Variants in RIN1 observed in about 807,000 individuals in gnomAD.
RIN1 encodes Ras and Rab interactor 1, also known as ras inhibitor 1.
Under a neutral mutation model 64.9 loss-of-function variants are expected in RIN1, and 52 were observed. That is an observed-to-expected ratio of 0.80 (90% confidence interval 0.64 to 1.01). The LOEUF is 1.01. Among genes scored for constraint, RIN1 ranks in the 50% least tolerant of loss-of-function variants. The probability of loss-of-function intolerance (pLI) is 0.00; values close to 1 mark genes in which losing one functional copy is unlikely to be tolerated. For missense variants in RIN1, 1,040 were observed against 1,064.5 expected, an observed-to-expected ratio of 0.98 and a Z score of 0.32; for synonymous variants, 486 against 483.6, an observed-to-expected ratio of 1.00 and a Z score of -0.06.
chr11:66,334,074 G>A lies in RIN1; in HGVS notation c.1436C>T (p.Ala479Val). ...LRLARAQGPG[A>V]FGSHLSLPSP... ...GGGCAGGCTCAGGTGGGACCCGAAGGCTCCGGGGCCCTGGGCCCGGGCCAG... is the reference window on the plus strand; with the variant it reads ...GGGCAGGCTCAGGTGGGACCCGAAGACTCCGGGGCCCTGGGCCCGGGCCAG... Residue 479 changes from alanine (A) to valine (V), a missense_variant, in exon 7 of 10, where the codon GCC (alanine) becomes GTC (valine). Ala to Val is a moderately conservative substitution (Grantham distance 64). Transcript: ENST00000311320. 3 of 1,569,728 alleles carry A rather than the reference G, an allele frequency of 1.9e-6. No homozygotes were observed. The highest frequency in any genetic ancestry group is 2.7e-5 in the African/African-American group (2 of 74,508).
Position 66,333,509 on chromosome 11 carries a change from TG to T in RIN1, c.1723+17del, listed in dbSNP as rs1854789883. The T allele has an allele frequency of 1.2e-6, 2 of 1,610,646 alleles. No homozygotes were observed. Among genetic ancestry groups the T allele is most frequent in the Non-Finnish European group, 1.7e-6 (2 of 1,178,954 alleles). On this transcript the variant is annotated intron_variant, in intron 8 of 9. Coordinates refer to ENST00000311320, the MANE Select transcript of RIN1 (RefSeq NM_004292.3). ...TTCAGGGCCCACCCAGACAGGGAGG[TG>T]GGTGGGGGTCCCTCACCCTCTCCAG... is the stretch of plus-strand genomic sequence containing the variant.
At position 66,331,161 on chromosome 11, in the gene RIN1, T is replaced by C. The variant is rs115284368; in HGVS notation, c.*1115A>G. The C allele has an allele frequency of 0.016, 2,515 of 152,546 alleles. 78 individuals carry two copies. The highest frequency in any genetic ancestry group is 0.057 in the African/African-American group (2,365 of 41,554). 9.4% of individuals were successfully genotyped at this position (152,546 alleles called of 1,614,324 possible). A position where few individuals can be genotyped will look rare whatever the true frequency, so the allele number is the denominator to read the frequency against. Reference sequence around the variant, plus strand: ...GTGGTTGGTGGTCGGCACTTTTCCTTGTTTGGATTTGCTGCCTGCTCTGGG... The same window carrying C: ...GTGGTTGGTGGTCGGCACTTTTCCTCGTTTGGATTTGCTGCCTGCTCTGGG... On this transcript the variant is annotated 3_prime_UTR_variant, in exon 10 of 10. Coordinates refer to ENST00000311320, the MANE Select transcript of RIN1 (RefSeq NM_004292.3).
In RIN1 at chr11:66,334,734, G is replaced by A. The variant is rs754052309; in HGVS notation, c.1065C>T (p.Cys355=). The A allele has an allele frequency of 2.2e-5, 34 of 1,549,382 alleles. No individual in the cohort carries two copies. Among genetic ancestry groups the A allele is most frequent in the Non-Finnish European group, 2.6e-5 (30 of 1,147,556 alleles). The change falls in exon 6 of 10, where the codon TGC becomes TGT. Residue 355 remains cysteine, a synonymous_variant. Coordinates refer to ENST00000311320, the MANE Select transcript of RIN1 (RefSeq NM_004292.3). ...PLLRSMSAAF[C]SLLAPERQVG... ...CCTGCCGCTCCGGTGCCAGTAGGGA[G>A]CAGAAGGCGGCGCTCATGGACCGAA...
In RIN1 at chr11:66,332,547, G is replaced by A; in HGVS notation, c.2081C>T (p.Pro694Leu). Residue 694 changes from proline to leucine, a missense_variant, in exon 10 of 10, where the codon CCC (proline) becomes CTC (leucine). Coordinates refer to ENST00000311320, the MANE Select transcript of RIN1 (RefSeq NM_004292.3). ...GCGGTAGACGAGGTAGCCAGTGGTG[G>A]GCAGCCTGTGGGCCAGGGCCCCAGG... is the stretch of plus-strand genomic sequence containing the variant. ...LPPGALAHRL[P>L]TTGYLVYRRA... The A allele has an allele frequency of 6.2e-7, 1 of 1,613,230 alleles. No individual in the cohort carries two copies. Among genetic ancestry groups the A allele is most frequent in the Non-Finnish European group, 8.5e-7 (1 of 1,179,420 alleles).
intron 9 of RIN1, 69 bp from the exon 10 acceptor site, chr11:66,332,821 A>T: frequency 5.1e-6 from 6 of 1,178,866 alleles, no homozygotes; most frequent in Non-Finnish European, 7.1e-6. Context: ...CAAAGCTGAG[A>T]CATCAGCTTT....
intron 5 of RIN1, 77 bp from the exon 6 acceptor site, chr11:66,335,328 C>A (rs987038451): frequency 6.4e-6 from 10 of 1,555,902 alleles, no homozygotes; most frequent in Non-Finnish European, 8.7e-6. Context: ...GCAGGGGCTT[C>A]GGGCGGTGTG....
Position 66,332,160 on chromosome 11 carries a change from G to T in RIN1, c.*116C>A. The T allele has an allele frequency of 1.1e-6, 1 of 934,208 alleles. No homozygotes were observed. Among genetic ancestry groups the T allele is most frequent in the Non-Finnish European group, 1.7e-6 (1 of 594,640 alleles). 57.9% of individuals were successfully genotyped at this position (934,208 alleles called of 1,614,324 possible). On this transcript the variant is annotated 3_prime_UTR_variant, in exon 10 of 10. Coordinates refer to ENST00000311320, the MANE Select transcript of RIN1 (RefSeq NM_004292.3). ...CCAGCTTCCCTGGAAACAAGTATCAGACAAAGGTGGTGGCAGACACAGGAC... is the reference window on the plus strand; with the variant it reads ...CCAGCTTCCCTGGAAACAAGTATCATACAAAGGTGGTGGCAGACACAGGAC...
In RIN1 at chr11:66,331,404, C is replaced by T; in HGVS notation, c.*872G>A. ...GCAGAGAGCATGGTTTCTGAGCCCC[C>T]TCTCCATTCTGGAAGCTTATCTGCC... On this transcript the variant is annotated 3_prime_UTR_variant, in exon 10 of 10. Transcript: ENST00000311320. 6.6e-6 allele frequency: 1 copy of T among 152,260 alleles called. No homozygotes were observed. Among genetic ancestry groups the T allele is most frequent in the Admixed American group, 6.5e-5 (1 of 15,282 alleles). 9.4% of individuals were successfully genotyped at this position (152,260 alleles called of 1,614,324 possible).
At position 66,331,733 on chromosome 11, in the gene RIN1, G is replaced by C. The variant is rs1446473100; in HGVS notation, c.*543C>G. 6.4e-6 allele frequency: 1 copy of C among 155,692 alleles called. No individual in the cohort carries two copies. The highest frequency in any genetic ancestry group is 2.4e-5 in the African/African-American group (1 of 41,492). 9.6% of individuals were successfully genotyped at this position (155,692 alleles called of 1,614,324 possible). On this transcript the variant is annotated 3_prime_UTR_variant, in exon 10 of 10. Transcript: ENST00000311320. ...AATAGTGTCCCCACTTTACAGATGA[G>C]AGTACTGAGGCTTGCAGGTGCAGGT...
rs767436660 is a variant in RIN1 at position 66,336,424 on chromosome 11, A to G, written c.-22T>C. On this transcript the variant is annotated 5_prime_UTR_variant, in exon 1 of 10. Transcript: ENST00000311320. ...CCATGGCTGGGAGCTCCTTCGCTTC[A>G]GGAAGAGAATCCAGTCCCAAGGCAA... 3 of 1,604,764 alleles carry G rather than the reference A, an allele frequency of 1.9e-6. No homozygotes were observed. Among genetic ancestry groups the G allele is most frequent in the African/African-American group, 2.7e-5 (2 of 74,778 alleles).
In RIN1 at chr11:66,336,097, G is replaced by A. The variant is rs1352280952; in HGVS notation, c.148C>T (p.Gln50Ter). The A allele has an allele frequency of 6.9e-7, 1 of 1,447,060 alleles. No homozygotes were observed. The highest frequency in any genetic ancestry group is 1.4e-5 in the South Asian group (1 of 69,900). The allele number at this position is 1,447,060 out of a possible 1,614,324, so 89.6% of individuals were successfully genotyped here. Residue 50 changes from glutamine to a stop codon, truncating the protein, a stop_gained, in exon 2 of 10, where the codon CAG (glutamine) becomes TAG (stop). Coordinates refer to ENST00000311320, the MANE Select transcript of RIN1 (RefSeq NM_004292.3). LOFTEE classifies it high-confidence loss of function. ...NASGGQAGGP[Q>*]RPGRVVSLRE... Reference sequence around the variant, plus strand: ...AGGCTCACAACGCGCCCCGGCCGCTGCGGCCCGCCTGCCTGCCCGCCGCTG... The same window carrying A: ...AGGCTCACAACGCGCCCCGGCCGCTACGGCCCGCCTGCCTGCCCGCCGCTG...
chr11:66,332,436 T>C lies in RIN1; in HGVS notation c.2192A>G (p.Gln731Arg). 1.2e-6 allele frequency: 2 copies of C among 1,614,158 alleles called. No individual in the cohort carries two copies. Among genetic ancestry groups the C allele is most frequent in the Non-Finnish European group, 1.7e-6 (2 of 1,180,022 alleles). The change falls in exon 10 of 10, where the codon CAA becomes CGA. Residue 731 changes from glutamine to arginine, a missense_variant. By Grantham distance (43) the Gln-to-Arg change is conservative (BLOSUM62 1). Transcript: ENST00000311320. Reference sequence around the variant, plus strand: ...AGCATCCCCATCTCCCTGGCACCCTTGCTCCTCCCCTCTGCTTCTTGCCTC... The same window carrying C: ...AGCATCCCCATCTCCCTGGCACCCTCGCTCCTCCCCTCTGCTTCTTGCCTC... ...QSEARSRGEE[Q>R]GCQGDGDAGV...
In RIN1 at chr11:66,331,420, C is replaced by T. The variant is rs1854733127; in HGVS notation, c.*856G>A. On this transcript the variant is annotated 3_prime_UTR_variant, in exon 10 of 10. Coordinates refer to ENST00000311320, the MANE Select transcript of RIN1 (RefSeq NM_004292.3). Reference sequence around the variant, plus strand: ...CTGAGCCCCCTCTCCATTCTGGAAGCTTATCTGCCAGCTGGTGGATCTCCC... The same window carrying T: ...CTGAGCCCCCTCTCCATTCTGGAAGTTTATCTGCCAGCTGGTGGATCTCCC... 6.6e-6 allele frequency: 1 copy of T among 152,260 alleles called. No individual in the cohort carries two copies. The highest frequency in any genetic ancestry group is 1.5e-5 in the Non-Finnish European group (1 of 68,072). 9.4% of individuals were successfully genotyped at this position (152,260 alleles called of 1,614,324 possible).
rs1487725931 is a variant in RIN1 at position 66,336,038 on chromosome 11, C to A, written c.207G>T (p.Trp69Cys). ...CCGCTGCGTTGGCTTGCAGCTGCAG[C>A]CACACGGGCCGGGTGAGCAGCAGGC... ...RERLLLTRPV[W>C]LQLQANAAAA... The change falls in exon 2 of 10, where the codon TGG (tryptophan) becomes TGT (cysteine). Residue 69 changes from tryptophan to cysteine, a missense_variant. Physicochemically the swap from Trp to Cys is radical, Grantham distance 215. Coordinates refer to ENST00000311320, the MANE Select transcript of RIN1 (RefSeq NM_004292.3). 1.3e-5 allele frequency: 19 copies of A among 1,467,042 alleles called. No individual in the cohort carries two copies. Among genetic ancestry groups the A allele is most frequent in the Non-Finnish European group, 1.6e-5 (18 of 1,108,294 alleles). 90.9% of individuals were successfully genotyped at this position (1,467,042 alleles called of 1,614,324 possible). A position where few individuals can be genotyped will look rare whatever the true frequency, so the allele number is the denominator to read the frequency against.
In RIN1 at chr11:66,332,549, C is replaced by A. The variant is rs1221344613; in HGVS notation, c.2079G>T (p.Leu693=). The part of the protein sequence containing the change: ...RLPPGALAHR[L]PTTGYLVYRR... ...GGTAGACGAGGTAGCCAGTGGTGGGCAGCCTGTGGGCCAGGGCCCCAGGGG... is the reference window on the plus strand; with the variant it reads ...GGTAGACGAGGTAGCCAGTGGTGGGAAGCCTGTGGGCCAGGGCCCCAGGGG... Residue 693 remains leucine (L), a synonymous_variant, in exon 10 of 10, where the codon CTG becomes CTT. Transcript: ENST00000311320. The A allele has an allele frequency of 2.5e-6, 4 of 1,612,896 alleles. No homozygotes were observed. The Admixed American group carries it at 6.7e-5, about 27-fold the overall frequency.
chr11:66,336,409 G>A lies in RIN1; in HGVS notation c.-7C>T, dbSNP rs201696075. Reference sequence around the variant, plus strand: ...ACTCTCCAGGGCTTTCCATGGCTGGGAGCTCCTTCGCTTCAGGAAGAGAAT... The same window carrying A: ...ACTCTCCAGGGCTTTCCATGGCTGGAAGCTCCTTCGCTTCAGGAAGAGAAT... On this transcript the variant is annotated 5_prime_UTR_variant, in exon 1 of 10. Transcript: ENST00000311320. 3,214 of 1,610,570 alleles carry A rather than the reference G, an allele frequency of 2.0e-3. 14 individuals are homozygous for A. Among genetic ancestry groups the A allele is most frequent in the Admixed American group, 1.8e-3 (109 of 59,634 alleles).
intron 7 of RIN1, 25 bp downstream of exon 7, chr11:66,333,894 G>C (rs375494488): frequency 4.7e-6 from 7 of 1,498,482 alleles, no homozygotes. Flanking sequence ...GGGCAGGGCA[G>C]GGTGAGGTGG....
In RIN1 at chr11:66,333,652, C is replaced by T. The variant is rs1246173894; in HGVS notation, c.1598G>A (p.Gly533Asp). The T allele has an allele frequency of 1.9e-6, 3 of 1,611,526 alleles. No individual in the cohort carries two copies. The highest frequency in any genetic ancestry group is 1.7e-5 in the Admixed American group (1 of 59,576). The part of the protein sequence containing the change: ...YMALRTQEGE[G>D]AGADEFLPLL... ...AGGCAGGAACTCGTCGGCACCCGCG[C>T]CCTCCCCTGTGGGGACATGGTGAGA... The change falls in exon 8 of 10, where the codon GGC becomes GAC. Residue 533 changes from glycine (G) to aspartate (D), a missense_variant. Gly to Asp is a moderately conservative substitution (Grantham distance 94, BLOSUM62 -1). Transcript: ENST00000311320.
rs1255056231 is a variant in RIN1, at chr11:66,330,586, G to A, written c.*1690C>T. The A allele has an allele frequency of 6.6e-6, 1 of 152,326 alleles. No homozygotes were observed. The highest frequency in any genetic ancestry group is 1.5e-5 in the Non-Finnish European group (1 of 68,140). The allele number at this position is 152,326 out of a possible 1,614,324, so 9.4% of individuals were successfully genotyped here. A position where few individuals can be genotyped will look rare whatever the true frequency, so the allele number is the denominator to read the frequency against. The stretch of plus-strand genomic sequence containing the variant: ...GTTTGAGACCAGCCTGGCCAACATG[G>A]GGAAACCCCGTCTCTACTAGTAACA... On this transcript the variant is annotated 3_prime_UTR_variant, in exon 10 of 10. Coordinates refer to ENST00000311320, the MANE Select transcript of RIN1 (RefSeq NM_004292.3).
Sources: allele counts gnomAD v4.1 joint callset, GRCh38; gene constraint gnomAD v4.1.1; transcripts MANE v1.5; gene names NCBI Gene and HGNC (gene_info 2026-07-23, HGNC 2026-07-21).